The following CSMD1 variants were observed in gnomAD, a reference collection of about 807,000 sequenced individuals.
CSMD1 encodes the protein CUB and sushi domain-containing protein 1.
In CSMD1, 213 loss-of-function variants were observed where a neutral mutation model predicts 417.5. The observed-to-expected ratio is 0.51, with a 90% CI of 0.46 to 0.57. The LOEUF is 0.57. Among genes scored for constraint, CSMD1 ranks in the 20% least tolerant of loss-of-function variants. The pLI is 0.00. For missense variants in CSMD1, 6,923 were observed against 4,529.7 expected (o/e 1.53, Z -15.17); for synonymous variants, 2,862 against 1,736.8 (o/e 1.65, Z -16.11).
intron 5 of CSMD1, among the ~76,000 whole-genome samples, chr8:3,766,247 C>G (rs956151820): frequency 2.0e-5 from 3 of 152,174 alleles, no homozygotes; most frequent in Non-Finnish European, 4.4e-5. Context: ...AGCTGTCATG[C>G]CCCACCTGGA....
intron 3 of CSMD1, among the ~76,000 whole-genome samples, chr8:4,096,571 T>TA (rs11440495): frequency 0.22 from 34,044 of 152,080 alleles, 4,744 homozygotes; most frequent in African/African-American, 0.39. Flanking sequence ...TGCACGCCAC[T>TA]AAGGATACCT....
intron 2 of CSMD1, among the ~76,000 whole-genome samples, chr8:4,476,035 A>G (rs1164809953): frequency 6.6e-6 from 1 of 152,064 alleles, no homozygotes; most frequent in Non-Finnish European, 1.5e-5. Flanking sequence ...GCAATGTATT[A>G]TTTAGAAAAT....
chr8:3,741,687 A>G (rs1796811340), intron 6 of CSMD1, among the ~76,000 whole-genome samples: 1 of 152,208 alleles, frequency 6.6e-6, no homozygotes, highest in Admixed American at 6.5e-5. Flanking sequence ...TGGGAAATTA[A>G]CACTACACAA....
intron 3 of CSMD1, among the ~76,000 whole-genome samples, chr8:4,168,923 T>A (rs1219602912): frequency 1.2e-4 from 19 of 152,198 alleles, no homozygotes; most frequent in Admixed American, 1.2e-3. Context: ...GGCCTTGCTC[T>A]GTTTAACCTT....
At chr8:4,514,817 G>A (rs1163573193) in intron 2 of CSMD1, among the ~76,000 whole-genome samples, 2 of 152,128 alleles carry the variant, frequency 1.3e-5, no homozygotes, top group Non-Finnish European at 1.5e-5. Flanking sequence ...GCTGGCTGCT[G>A]TTACTGTTTT....
intron 1 of CSMD1, among the ~76,000 whole-genome samples, chr8:4,646,623 T>C (rs1432325965): frequency 6.6e-6 from 1 of 152,214 alleles, no homozygotes; most frequent in African/African-American, 2.4e-5. Flanking sequence ...CATAGTTGTC[T>C]TTCCTCAACA....
At chr8:3,277,114 G>C (rs560105495) in intron 26 of CSMD1, among the ~76,000 whole-genome samples, 2 of 152,226 alleles carry the variant, frequency 1.3e-5, no homozygotes, top group African/African-American at 4.8e-5. Context: ...AGCTGAGAGA[G>C]GCTAGCATCT....
intron 5 of CSMD1, among the ~76,000 whole-genome samples, chr8:3,756,932 G>C (rs1469684479): frequency 6.6e-6 from 1 of 152,048 alleles, no homozygotes; most frequent in Non-Finnish European, 1.5e-5. Flanking sequence ...AGTAGCTAGA[G>C]CTATATGTGC....
At chr8:3,902,734 A>T (rs1408067547) in intron 5 of CSMD1, among the ~76,000 whole-genome samples, 6 of 151,932 alleles carry the variant, frequency 3.9e-5, no homozygotes, top group Admixed American at 3.9e-4. Context: ...GGGATTAGAG[A>T]CCCCTGCTGA....
intron 3 of CSMD1, among the ~76,000 whole-genome samples, chr8:4,032,962 C>G (rs1312543021): frequency 6.6e-6 from 1 of 151,944 alleles, no homozygotes; most frequent in African/African-American, 2.4e-5. Flanking sequence ...CTCCTCAATT[C>G]CGATACGAAA....
intron 1 of CSMD1, among the ~76,000 whole-genome samples, chr8:4,716,548 T>C (rs1808670720): frequency 6.6e-5 from 10 of 152,240 alleles, no homozygotes; most frequent in Admixed American, 6.5e-4. Context: ...AATTGACAGA[T>C]AAATTTTAGG....
intron 6 of CSMD1, among the ~76,000 whole-genome samples, chr8:3,747,786 CA>C (rs372008202): frequency 8.7e-5 from 13 of 150,114 alleles, no homozygotes; most frequent in South Asian, 2.1e-4. Context: ...ACCAATAGTG[CA>C]AAAAAAAAGT....
intron 5 of CSMD1, among the ~76,000 whole-genome samples, chr8:3,823,285 G>C (rs994522177): frequency 6.6e-6 from 1 of 152,098 alleles, no homozygotes; most frequent in Non-Finnish European, 1.5e-5. Context: ...GATAATGTCT[G>C]GAATCGCTTC....
At chr8:3,356,166 C>A (rs1808775251) in intron 21 of CSMD1, among the ~76,000 whole-genome samples, 1 of 152,272 alleles carries the variant, frequency 6.6e-6, no homozygotes. Context: ...TCACCTGCAA[C>A]CTTTGGTATG....
intron 10 of CSMD1, among the ~76,000 whole-genome samples, chr8:3,503,511 G>C (rs1462395999): frequency 2.0e-5 from 3 of 152,334 alleles, no homozygotes; most frequent in Middle Eastern, 3.4e-3. Context: ...AAGAAACTTG[G>C]TATTTCATGC....
At chr8:4,006,145 AT>A (rs1369644421) in intron 4 of CSMD1, among the ~76,000 whole-genome samples, 1 of 152,164 alleles carries the variant, frequency 6.6e-6, no homozygotes, top group African/African-American at 2.4e-5. Flanking sequence ...ACCACAGATG[AT>A]TTATGTACTG....
intron 2 of CSMD1, among the ~76,000 whole-genome samples, chr8:4,620,869 A>G (rs994503876): frequency 6.6e-6 from 1 of 151,934 alleles, no homozygotes; most frequent in Non-Finnish European, 1.5e-5. Context: ...AATAAATAGA[A>G]GAGTGAAAAT....
chr8:4,923,392 G>T (rs148370488), intron 1 of CSMD1, among the ~76,000 whole-genome samples: 176 of 152,176 alleles, frequency 1.2e-3, no homozygotes, highest in African/African-American at 4.1e-3. Context: ...TAACTGGATT[G>T]TTTGATACTC....
intron 3 of CSMD1, among the ~76,000 whole-genome samples, chr8:4,372,942 C>G (rs959520563): frequency 6.6e-6 from 1 of 152,198 alleles, no homozygotes; most frequent in Non-Finnish European, 1.5e-5. Context: ...TAGTGATTTG[C>G]TTCCGAAGAG....
Sources: allele counts gnomAD v4.1 joint callset (sites outside exome capture counted in the v4.1 genomes callset), GRCh38; gene constraint gnomAD v4.1.1; transcripts MANE v1.5; gene names NCBI Gene and HGNC (gene_info 2026-07-23, HGNC 2026-07-21).